LRP6: variants seen among roughly 807,000 people sequenced by gnomAD.
LRP6 encodes the protein low-density lipoprotein receptor-related protein 6.
In LRP6, 43 loss-of-function variants were observed where a neutral mutation model predicts 184.1. The ratio of observed to expected loss-of-function variants is 0.23; its 90% CI spans 0.18 to 0.30. The LOEUF (loss-of-function observed/expected upper bound fraction) is 0.30, where lower values mean the gene tolerates loss of function less well. Ranked by LOEUF, LRP6 falls within the 10% of genes least tolerant of loss-of-function variation. LRP6 has a pLI of 1.00. For missense variants in LRP6, 1,571 were observed against 2,005.3 expected, an observed-to-expected ratio of 0.78 and a Z score of 4.14; for synonymous variants, 719 against 684.9, an observed-to-expected ratio of 1.05 and a Z score of -0.78.
chr12:12,194,183 G>T (rs959855215), intron 3 of LRP6, among the ~76,000 whole-genome samples: 3 of 151,540 alleles, frequency 2.0e-5, no homozygotes, highest in Non-Finnish European at 4.4e-5. Flanking sequence ...GAATAGAAAG[G>T]AACTTCCTCA....
intron 12 of LRP6, 139 bp from the exon 13 acceptor site, chr12:12,151,177 T>A: frequency 2.6e-6 from 2 of 780,948 alleles, no homozygotes. Flanking sequence ...GACAAAATTC[T>A]TTGGCATGCC....
chr12:12,209,589 T>C (rs894148832), intron 2 of LRP6, among the ~76,000 whole-genome samples: 3 of 152,212 alleles, frequency 2.0e-5, no homozygotes, highest in South Asian at 2.1e-4. Flanking sequence ...ATTTCATCTA[T>C]AAATACTAAA....
intron 1 of LRP6, among the ~76,000 whole-genome samples, chr12:12,260,365 A>G (rs1865581244): frequency 1.4e-5 from 2 of 144,308 alleles, no homozygotes; most frequent in East Asian, 4.1e-4. Flanking sequence ...GCGACTGAGC[A>G]AGACTCCGTC....
intron 2 of LRP6, among the ~76,000 whole-genome samples, chr12:12,227,127 A>C (rs1186852197): frequency 2.6e-5 from 4 of 152,190 alleles, no homozygotes; most frequent in African/African-American, 9.6e-5. Flanking sequence ...GAATAGAGCG[A>C]AATATTTTAA....
At position 12,130,906 on chromosome 12, in the gene LRP6, CAT is replaced by C. The variant is rs757637749; in HGVS notation, c.3971-15_3971-14del. On this transcript the variant is annotated splice_polypyrimidine_tract_variant and intron_variant, in intron 18 of 22. Transcript: ENST00000261349. ...ATTAAACAAAGCACTGGAAAAAAAA[CAT>C]AAATAGTTTCCTTATTTTTAATATC... The C allele has an allele frequency of 3.9e-5, 55 of 1,407,408 alleles. No individual in the cohort carries two copies. The highest frequency in any genetic ancestry group is 5.2e-5 in the Non-Finnish European group (52 of 991,794). The allele number at this position is 1,407,408 out of a possible 1,614,324, so 87.2% of individuals were successfully genotyped here.
At chr12:12,215,087 T>C (rs1233051952) in intron 2 of LRP6, among the ~76,000 whole-genome samples, 2 of 152,210 alleles carry the variant, frequency 1.3e-5, no homozygotes, top group African/African-American at 2.4e-5. Context: ...GCAATACTTG[T>C]TGTCTCAGTC....
intron 12 of LRP6, among the ~76,000 whole-genome samples, chr12:12,151,353 G>C (rs770545085): frequency 1.3e-5 from 2 of 151,880 alleles, no homozygotes; most frequent in East Asian, 3.9e-4. Flanking sequence ...AAATTCTCCT[G>C]GTCTACCAAG....
Position 12,138,548 on chromosome 12 carries a change from A to G in LRP6, c.3398-14T>C. The G allele has an allele frequency of 6.2e-7, 1 of 1,604,774 alleles. No homozygotes were observed. The highest frequency in any genetic ancestry group is 8.5e-7 in the Non-Finnish European group (1 of 1,171,558). ...TCCGGTTAGCACCTTGGAAAAGGAG[A>G]AAATTCAACAGAAATGACTCATGTG... On this transcript the variant is annotated splice_polypyrimidine_tract_variant and intron_variant, in intron 15 of 22. Transcript: ENST00000261349.
chr12:12,150,775 G>C (rs539758846), intron 13 of LRP6, 61 bp downstream of exon 13: 1 of 1,550,120 alleles, frequency 6.5e-7, no homozygotes, highest in African/African-American at 1.4e-5. Context: ...GTGAAACAGA[G>C]TGGTTGGTGA....
At chr12:12,159,649 T>C (rs1397733247) in intron 11 of LRP6, 131 bp downstream of exon 11, 1 of 839,356 alleles carries the variant, frequency 1.2e-6, no homozygotes, top group Non-Finnish European at 1.9e-6. Context: ...CAGGATACAA[T>C]TCCAGAACAG....
chr12:12,138,060 A>C (rs970849619), intron 16 of LRP6, among the ~76,000 whole-genome samples: 3 of 151,834 alleles, frequency 2.0e-5, no homozygotes, highest in Admixed American at 2.0e-4. Flanking sequence ...AATCCCAGCT[A>C]CTCTGGAGGC....
chr12:12,155,196 A>AAACC (rs1385013865), intron 12 of LRP6: 1 of 563,588 alleles, frequency 1.8e-6, no homozygotes, highest in Non-Finnish European at 3.3e-6. Context: ...ACTCTGTCTC[A>AAACC]AACAAACAAA....
chr12:12,201,167 C>G (rs1315022809), intron 3 of LRP6, among the ~76,000 whole-genome samples: 3 of 152,136 alleles, frequency 2.0e-5, no homozygotes, highest in Non-Finnish European at 2.9e-5. Context: ...CCATCTTTAT[C>G]TGAACCTTCT....
intron 1 of LRP6, among the ~76,000 whole-genome samples, chr12:12,254,561 CTTA>C (rs964619256): frequency 3.9e-5 from 6 of 152,130 alleles, no homozygotes; most frequent in South Asian, 2.1e-4. Context: ...TTCAAAAACT[CTTA>C]TTATTTTTAT....
chr12:12,191,603 A>G (rs1190939847), intron 3 of LRP6, among the ~76,000 whole-genome samples: 1 of 152,190 alleles, frequency 6.6e-6, no homozygotes, highest in Non-Finnish European at 1.5e-5. Context: ...ACAGACAATA[A>G]AAAAGTATGC....
chr12:12,148,221 CAT>C (rs538758412), intron 14 of LRP6, among the ~76,000 whole-genome samples: 131 of 151,936 alleles, frequency 8.6e-4, no homozygotes, highest in Admixed American at 4.3e-3. Context: ...CATAGGCACA[CAT>C]ATGTTTTCAG....
chr12:12,154,471 C>T (rs1224052497), intron 12 of LRP6, among the ~76,000 whole-genome samples: 3 of 152,252 alleles, frequency 2.0e-5, no homozygotes, highest in Non-Finnish European at 4.4e-5. Context: ...CACTGAATTT[C>T]ATTCACTGCT....
rs552022819 is a variant in LRP6, at chr12:12,240,465, G to A, written c.449+3797C>T. Among the ~76,000 whole-genome samples, 17 of 152,114 alleles carry A rather than the reference G, an allele frequency of 1.1e-4. No homozygotes were observed. The South Asian group carries it at 3.3e-3, about 30-fold the overall frequency. The stretch of plus-strand genomic sequence containing the variant: ...CAGGTGCCCGTAGTCCCAGCTACTC[G>A]GGAGGCTGAGGCAGGAAAATGGTGT... On this transcript the variant is annotated intron_variant, in intron 2 of 22. Coordinates refer to ENST00000261349, the MANE Select transcript of LRP6 (RefSeq NM_002336.3).
At chr12:12,145,624 CTTTTTTT>C (rs1157764946) in intron 15 of LRP6, among the ~76,000 whole-genome samples, 12 of 80,314 alleles carry the variant, frequency 1.5e-4, no homozygotes, top group African/African-American at 4.4e-4. Context: ...TTTTCTTTTT[CTTTTTTT>C]TTTTTTTTTT....
Sources: allele counts gnomAD v4.1 joint callset (sites outside exome capture counted in the v4.1 genomes callset), GRCh38; gene constraint gnomAD v4.1.1; transcripts MANE v1.5; gene names NCBI Gene and HGNC (gene_info 2026-07-23, HGNC 2026-07-21).